Variants in USP42 observed in about 807,000 individuals in gnomAD.
The protein encoded by USP42 is ubiquitin specific peptidase 42.
A neutral mutation model predicts 113.0 loss-of-function variants in USP42; 23 were observed. The observed-to-expected ratio is 0.20, with a 90% CI of 0.15 to 0.29. USP42 has a LOEUF of 0.29. Among genes scored for constraint, USP42 ranks in the 10% least tolerant of loss-of-function variants. The pLI is 1.00. For missense variants in USP42, 2,174 were observed against 1,779.8 expected (o/e 1.22, Z -3.99); for synonymous variants, 933 against 699.0 (o/e 1.33, Z -5.28).
chr7:6,110,152 A>G (rs1779519214), intron 1 of USP42, among the ~76,000 whole-genome samples: 1 of 152,138 alleles, frequency 6.6e-6, no homozygotes, highest in African/African-American at 2.4e-5. Context: ...GGTTTTCTAC[A>G]TAGGAGTGGC....
At chr7:6,105,079 C>G (rs1417948092) in intron 1 of USP42, 47 bp downstream of exon 1, 1 of 147,872 alleles carries the variant, frequency 6.8e-6, no homozygotes, top group Non-Finnish European at 1.5e-5. Flanking sequence ...GCATGGGGCC[C>G]GCGCAGCGGC....
the USP42 span, among the ~76,000 whole-genome samples, chr7:6,097,205 A>G: frequency 6.6e-6 from 1 of 150,720 alleles, no homozygotes; most frequent in Non-Finnish European, 1.5e-5. Flanking sequence ...CTTTTCCAAC[A>G]CAGCTGATGC....
In USP42 at chr7:6,124,653, C is replaced by T. The variant is rs1477724860; in HGVS notation, c.442+9130C>T. 8.5e-5 allele frequency among the ~76,000 whole-genome samples: 13 copies of T among 152,088 alleles called. 1 individual carries two copies. The highest frequency in any genetic ancestry group is 3.1e-4 in the African/African-American group (13 of 41,406). On this transcript the variant is annotated intron_variant, in intron 3 of 17. Transcript: ENST00000306177. Reference sequence around the variant, plus strand: ...TGCCTTTTATTTTGAGGCATTATACCTTTTACATTTAATGAGATTATTGGT... The same window carrying T: ...TGCCTTTTATTTTGAGGCATTATACTTTTTACATTTAATGAGATTATTGGT...
At chr7:6,094,683 C>T in the USP42 span, among the ~76,000 whole-genome samples, 1 of 151,294 alleles carries the variant, frequency 6.6e-6, no homozygotes, top group East Asian at 1.9e-4. Context: ...GCCTTGCATC[C>T]TTTAACCCTC....
the USP42 span, among the ~76,000 whole-genome samples, chr7:6,088,554 GCCTC>G: frequency 6.6e-6 from 1 of 151,212 alleles, no homozygotes. Flanking sequence ...ACCGTGCATG[GCCTC>G]CTACTCTTAT....
intron 3 of USP42, among the ~76,000 whole-genome samples, chr7:6,129,222 C>T: frequency 6.6e-6 from 1 of 152,142 alleles, no homozygotes; most frequent in Admixed American, 6.6e-5. Flanking sequence ...ACATTACTTC[C>T]CTATGTCCTT....
intron 4 of USP42, among the ~76,000 whole-genome samples, chr7:6,136,773 A>G (rs1781173779): frequency 1.3e-5 from 2 of 152,122 alleles, no homozygotes; most frequent in African/African-American, 4.8e-5. Context: ...ATAAAATAAG[A>G]AATAAATAAG....
chr7:6,124,037 G>A (rs111376813), intron 3 of USP42, among the ~76,000 whole-genome samples: 21 of 151,786 alleles, frequency 1.4e-4, no homozygotes, highest in Non-Finnish European at 2.4e-4. Context: ...CGCCGTGCCC[G>A]GCTAACTTTT....
rs567326703 is a variant in USP42, at chr7:6,125,100, G to A, written c.442+9577G>A. 1.1e-4 allele frequency among the ~76,000 whole-genome samples: 16 copies of A among 149,708 alleles called. No homozygotes were observed. In the East Asian group the frequency reaches 3.2e-3, roughly 30 times the overall value. On this transcript the variant is annotated intron_variant, in intron 3 of 17. Coordinates refer to ENST00000306177, the MANE Select transcript of USP42 (RefSeq NM_032172.3). ...GGAGGCTGAGGCAGGAGAATCGCTT[G>A]ATCCCGGGAGTTGGAGGTTTCAGTG...
chr7:6,092,035 C>CTTCTTCTT, the USP42 span, among the ~76,000 whole-genome samples: 2 of 98,208 alleles, frequency 2.0e-5, no homozygotes, highest in African/African-American at 4.1e-5. Flanking sequence ...TCTTCTTCTT[C>CTTCTTCTT]TTCTTCTTCT....
intron 1 of USP42, among the ~76,000 whole-genome samples, chr7:6,110,627 C>T (rs968165485): frequency 2.0e-5 from 3 of 152,250 alleles, no homozygotes; most frequent in East Asian, 3.9e-4. Flanking sequence ...ATGTATTTCA[C>T]TTGGTGCCAT....
In USP42 at chr7:6,153,997, C is replaced by G; in HGVS notation, c.2443C>G (p.Pro815Ala). Residue 815 changes from proline (P) to alanine (A), a missense_variant, in exon 15 of 18, where the codon CCC becomes GCC. Physicochemically the swap from Pro to Ala is conservative, Grantham distance 27 (BLOSUM62 -1). Coordinates refer to ENST00000306177, the MANE Select transcript of USP42 (RefSeq NM_032172.3). ...CGAGGACATCGTGGGGGACACAGCA[C>G]CCCCTGACCTGTGTGATCCCGGGAG... ...AGEDIVGDTA[P>A]PDLCDPGSLT... 1 of 1,602,688 alleles carries G rather than the reference C, an allele frequency of 6.2e-7. No individual in the cohort carries two copies. Among genetic ancestry groups the G allele is most frequent in the Non-Finnish European group, 8.5e-7 (1 of 1,178,554 alleles).
intron 3 of USP42, among the ~76,000 whole-genome samples, chr7:6,133,419 A>G (rs528079279): frequency 6.8e-4 from 103 of 151,980 alleles, no homozygotes; most frequent in Non-Finnish European, 1.2e-3. Context: ...TATTATGGAT[A>G]TTTTCTACCC....
chr7:6,081,385 G>GCGCAGC, the USP42 span: 1 of 152,198 alleles, frequency 6.6e-6, no homozygotes, highest in Non-Finnish European at 1.5e-5. Context: ...ATGGCGGGCG[G>GCGCAGC]CGCAGCCACA....
At chr7:6,096,172 T>C in the USP42 span, among the ~76,000 whole-genome samples, 8 of 150,976 alleles carry the variant, frequency 5.3e-5, no homozygotes, top group Non-Finnish European at 1.0e-4. Flanking sequence ...CAGGTTATTA[T>C]AGACATATAG....
Position 6,159,923 on chromosome 7 carries a change from C to T in USP42, c.*36+430C>T, listed in dbSNP as rs1782676884. On this transcript the variant is annotated intron_variant, in intron 17 of 17. Transcript: ENST00000306177. The surrounding 1 kb of genome is among the most constrained non-coding windows in gnomAD (Gnocchi z 4.1). ...CCGTCCCCTGTGCTGCTGTCTGCGC[C>T]CCGAGGTGGCACTGAGCTGGAGCCA... Among the ~76,000 whole-genome samples, 1 of 152,242 alleles carries T rather than the reference C, an allele frequency of 6.6e-6. No individual in the cohort carries two copies. The highest frequency in any genetic ancestry group is 2.4e-5 in the African/African-American group (1 of 41,458).
At position 6,149,789 on chromosome 7, in the gene USP42, T is replaced by G. The variant is rs199671292; in HGVS notation, c.1593T>G (p.Pro531=). ...CAATCAGTATTCACAACAAGTTGCC[T>G]GTTCGCCAGTGTCAGTCTCAACCTA... ...KITISIHNKL[P]VRQCQSQPNL... The change falls in exon 13 of 18, where the codon CCT becomes CCG. Residue 531 remains proline, a synonymous_variant. Coordinates refer to ENST00000306177, the MANE Select transcript of USP42 (RefSeq NM_032172.3). 1.3e-3 allele frequency: 2,043 copies of G among 1,614,052 alleles called. 2 individuals are homozygous for G. The highest frequency in any genetic ancestry group is 1.5e-3 in the Non-Finnish European group (1,768 of 1,179,902).
In USP42 at chr7:6,149,927, A is replaced by G; in HGVS notation, c.1731A>G (p.Lys577=). Residue 577 remains lysine (K), a synonymous_variant, in exon 13 of 18, where the codon AAA becomes AAG. Coordinates refer to ENST00000306177, the MANE Select transcript of USP42 (RefSeq NM_032172.3). ...CATCTACGATGTCAGTTTCTAGTAA[A>G]GTAACAAAACCGATCCCCCGCAGTG... ...SNASTMSVSS[K]VTKPIPRSES... 1.2e-6 allele frequency: 2 copies of G among 1,614,032 alleles called. No individual in the cohort carries two copies. The highest frequency in any genetic ancestry group is 1.7e-6 in the Non-Finnish European group (2 of 1,179,910).
At chr7:6,102,268 C>T (rs1402011325), upstream of USP42, among the ~76,000 whole-genome samples, 1 of 149,674 alleles carries the variant, frequency 6.7e-6, no homozygotes, top group East Asian at 2.0e-4. Flanking sequence ...GTGCCATCAC[C>T]ACAGCCAACT....
Sources: allele counts gnomAD v4.1 joint callset (sites outside exome capture counted in the v4.1 genomes callset), GRCh38; gene constraint gnomAD v4.1.1; non-coding constraint Gnocchi (gnomAD v3.1); transcripts MANE v1.5; gene names NCBI Gene and HGNC (gene_info 2026-07-23, HGNC 2026-07-21).